FBXO34: variants seen among roughly 807,000 people sequenced by gnomAD.
FBXO34 encodes the protein F-box only protein 34.
In FBXO34, 12 loss-of-function variants were observed where a neutral mutation model predicts 24.5. That is an observed-to-expected ratio of 0.49 (90% confidence interval 0.31 to 0.79). FBXO34 has a LOEUF of 0.79. FBXO34 is among the 30% of genes least tolerant of loss of function. FBXO34 has a pLI of 0.04. For synonymous variants in FBXO34, 320 were observed against 311.9 expected (o/e 1.03, Z -0.27); for missense variants, 823 against 857.7 (o/e 0.96, Z 0.51).
chr14:55,401,844 A>G, the FBXO34 span, among the ~76,000 whole-genome samples: 1 of 152,168 alleles, frequency 6.6e-6, no homozygotes, highest in Non-Finnish European at 1.5e-5. Flanking sequence ...CCTGAGGGTG[A>G]GCCAGAGTTG....
downstream of FBXO34, among the ~76,000 whole-genome samples, chr14:55,358,542 G>A (rs1884552265): frequency 6.6e-6 from 1 of 152,202 alleles, no homozygotes; most frequent in South Asian, 2.1e-4. Flanking sequence ...TGGAGGTCCT[G>A]AGGTTCTGGG....
intron 1 of FBXO34, among the ~76,000 whole-genome samples, chr14:55,331,196 T>G (rs1461752480): frequency 6.6e-6 from 1 of 152,158 alleles, no homozygotes; most frequent in Non-Finnish European, 1.5e-5. Context: ...AGTTTCAATT[T>G]GAGCACAATT....
chr14:55,311,424 C>G (rs2139745278), intron 1 of FBXO34, among the ~76,000 whole-genome samples: 1 of 152,300 alleles, frequency 6.6e-6, no homozygotes, highest in Admixed American at 6.5e-5. Flanking sequence ...TTCCTAATCT[C>G]ATGTCCCTTT....
At chr14:55,278,791 A>G (rs148346145) in intron 1 of FBXO34, among the ~76,000 whole-genome samples, 243 of 152,218 alleles carry the variant, frequency 1.6e-3, no homozygotes, top group African/African-American at 5.3e-3. Flanking sequence ...GGCTCAAGTG[A>G]TCTTCTCACC....
chr14:55,407,207 C>A, the FBXO34 span, among the ~76,000 whole-genome samples: 172 of 152,322 alleles, frequency 1.1e-3, 1 homozygote, highest in African/African-American at 3.9e-3. Flanking sequence ...TGGCTCACTG[C>A]AACCTCCGCC....
the FBXO34 span, among the ~76,000 whole-genome samples, chr14:55,401,665 A>C: frequency 7.2e-5 from 11 of 152,140 alleles, no homozygotes; most frequent in Non-Finnish European, 1.6e-4. Flanking sequence ...TTTCTGTTAA[A>C]AAAAGGTACT....
chr14:55,287,896 C>CT (rs1384418204), intron 1 of FBXO34, among the ~76,000 whole-genome samples: 1 of 152,164 alleles, frequency 6.6e-6, no homozygotes, highest in African/African-American at 2.4e-5. Context: ...GCAATAAGCA[C>CT]TTTTTTTGCT....
At chr14:55,360,228 A>G (rs1303558180) in intron 3 of FBXO34, among the ~76,000 whole-genome samples, 1 of 152,028 alleles carries the variant, frequency 6.6e-6, no homozygotes, top group East Asian at 1.9e-4. Flanking sequence ...GCGCACCACC[A>G]TGCCTGGCTA....
chr14:55,427,668 C>T, the FBXO34 span, among the ~76,000 whole-genome samples: 4 of 152,062 alleles, frequency 2.6e-5, no homozygotes, highest in African/African-American at 9.7e-5. Context: ...CACCCTCCAT[C>T]CCTGCTCTCT....
intron 1 of FBXO34, 195 bp downstream of exon 1, chr14:55,271,732 G>GC (rs1440063886): frequency 1.3e-5 from 2 of 151,576 alleles, no homozygotes; most frequent in African/African-American, 4.8e-5. Flanking sequence ...CTCCGGTGCG[G>GC]CTCTTTCCGC....
intron 1 of FBXO34, among the ~76,000 whole-genome samples, chr14:55,308,559 C>G (rs987260730): frequency 4.6e-5 from 7 of 152,120 alleles, no homozygotes; most frequent in African/African-American, 1.7e-4. Flanking sequence ...AATAGGTTTT[C>G]TTACCTTGAA....
At chr14:55,280,917 T>C (rs1175437287) in intron 1 of FBXO34, among the ~76,000 whole-genome samples, 2 of 152,128 alleles carry the variant, frequency 1.3e-5, no homozygotes, top group East Asian at 1.9e-4. Context: ...GACTATAATA[T>C]GAACCTTGTA....
the FBXO34 span, among the ~76,000 whole-genome samples, chr14:55,401,829 T>C: frequency 6.6e-6 from 1 of 152,266 alleles, no homozygotes; most frequent in South Asian, 2.1e-4. Flanking sequence ...CTGTCCAAGC[T>C]GAGACCTGAG....
chr14:55,333,109 T>C lies in FBXO34; in HGVS notation c.-10-17272T>C, dbSNP rs185974895. On this transcript the variant is annotated intron_variant, in intron 1 of 1. Coordinates refer to ENST00000313833, the MANE Select transcript of FBXO34 (RefSeq NM_017943.4). The stretch of plus-strand genomic sequence containing the variant: ...GCTACAAGGTGACCTTGCCTCCTGC[T>C]TTGAGGGAGAAGGAAAAAGCTGGAC... 7.2e-5 allele frequency among the ~76,000 whole-genome samples: 11 copies of C among 152,332 alleles called. No homozygotes were observed. The East Asian group carries it at 2.1e-3, about 29-fold the overall frequency.
chr14:55,337,363 T>C (rs890121058), intron 1 of FBXO34, among the ~76,000 whole-genome samples: 2 of 152,258 alleles, frequency 1.3e-5, no homozygotes, highest in Non-Finnish European at 2.9e-5. Context: ...AAATCCGTTA[T>C]AAATTGACAC....
chr14:55,361,511 C>T (rs1026720127), intron 3 of FBXO34, among the ~76,000 whole-genome samples: 3 of 152,164 alleles, frequency 2.0e-5, no homozygotes, highest in Non-Finnish European at 2.9e-5. Context: ...AGTCACCAGC[C>T]GTATTAGCCC....
At chr14:55,415,789 T>A in the FBXO34 span, among the ~76,000 whole-genome samples, 12 of 152,066 alleles carry the variant, frequency 7.9e-5, no homozygotes, top group Non-Finnish European at 1.6e-4. Context: ...TTGCTTGAAT[T>A]TGGGAGGCGG....
intron 1 of FBXO34, among the ~76,000 whole-genome samples, chr14:55,287,252 T>G (rs1284020794): frequency 6.6e-6 from 1 of 152,048 alleles, no homozygotes; most frequent in Non-Finnish European, 1.5e-5. Context: ...TTATACAATA[T>G]TTTAAATAAT....
chr14:55,294,128 C>T (rs1003129060), intron 1 of FBXO34, among the ~76,000 whole-genome samples: 1 of 151,994 alleles, frequency 6.6e-6, no homozygotes, highest in South Asian at 2.1e-4. Flanking sequence ...TTTGCTTGCA[C>T]TTCTAAGCTT....
Sources: allele counts gnomAD v4.1 joint callset (sites outside exome capture counted in the v4.1 genomes callset), GRCh38; gene constraint gnomAD v4.1.1; transcripts MANE v1.5; gene names NCBI Gene and HGNC (gene_info 2026-07-23, HGNC 2026-07-21).